Variants in RNF125 observed in about 807,000 individuals in gnomAD.
RNF125 encodes ring finger protein 125, also known as E3 ubiquitin-protein ligase RNF125.
In RNF125, 21 loss-of-function variants were observed where a neutral mutation model predicts 26.0. The ratio of observed to expected loss-of-function variants is 0.81; its 90% confidence interval spans 0.57 to 1.16. RNF125 has a LOEUF of 1.16. Ranked by LOEUF, RNF125 falls within the 50% of genes most tolerant of loss-of-function variation. The pLI, the probability that RNF125 is intolerant of heterozygous loss-of-function variation, is 0.00. For missense variants in RNF125, 270 were observed against 299.4 expected (o/e 0.90, Z 0.72); for synonymous variants, 95 against 109.2 (o/e 0.87, Z 0.81).
At chr18:32,085,774 A>G in the RNF125 span, among the ~76,000 whole-genome samples, 3 of 150,972 alleles carry the variant, frequency 2.0e-5, no homozygotes, top group African/African-American at 7.3e-5. Context: ...CTGATCTCTC[A>G]TTGGTGCCTC....
intron 4 of RNF125, among the ~76,000 whole-genome samples, chr18:32,048,051 C>T (rs1013353402): frequency 6.6e-6 from 1 of 151,940 alleles, no homozygotes; most frequent in Non-Finnish European, 1.5e-5. Context: ...TTGCTTGAGC[C>T]TGGAAGGACG....
Position 32,071,796 on chromosome 18 carries a change from T to C in RNF125, c.*3412T>C, listed in dbSNP as rs562026162. 6 of 152,310 alleles carry C rather than the reference T, an allele frequency of 3.9e-5. No individual in the cohort carries two copies. Among genetic ancestry groups the C allele is most frequent in the African/African-American group, 9.6e-5 (4 of 41,572 alleles). The allele number at this position is 152,310 out of a possible 1,614,324, so 9.4% of individuals were successfully genotyped here. On this transcript the variant is annotated 3_prime_UTR_variant, in exon 6 of 6. Transcript: ENST00000217740. The stretch of plus-strand genomic sequence containing the variant: ...AGCCTCATATCCTCCCTTTTAGATA[T>C]TGATTTTAAGTTTGCTTTTCACAGC...
At position 32,053,028 on chromosome 18, in the gene RNF125, G is replaced by A. The variant is rs150107853; in HGVS notation, c.504+7296G>A. On this transcript the variant is annotated intron_variant, in intron 4 of 5. Coordinates refer to ENST00000217740, the MANE Select transcript of RNF125 (RefSeq NM_017831.4). ...TTCTATTAAATATTAAATCAGTCAC[G>A]CACAGACTTTAGAAATGGAATTCAA... 4.2e-3 allele frequency among the ~76,000 whole-genome samples: 632 copies of A among 152,268 alleles called. 7 individuals are homozygous for A. The highest frequency in any genetic ancestry group is 0.015 in the African/African-American group (611 of 41,544).
chr18:32,064,396 C>CTTTTTTTTTTTTTT lies in RNF125; in HGVS notation c.505-1496_505-1483dup, dbSNP rs775086863. Among the ~76,000 whole-genome samples, 48 of 86,848 alleles carry CTTTTTTTTTTTTTT rather than the reference C, an allele frequency of 5.5e-4. 1 individual carries two copies. Among genetic ancestry groups the CTTTTTTTTTTTTTT allele is most frequent in the Admixed American group, 6.5e-4 (4 of 6,174 alleles). The allele number at this position is 86,848 out of a possible 152,430, so 57.0% of individuals were successfully genotyped here. On this transcript the variant is annotated intron_variant, in intron 4 of 5. Coordinates refer to ENST00000217740, the MANE Select transcript of RNF125 (RefSeq NM_017831.4). ...AATCTGGTGAAATCTTTTTCTTTTT[C>CTTTTTTTTTTTTTT]TTTTTTTTTTTTTTTTTTTTTTTGA...
chr18:32,037,892 A>T (rs2039175074), intron 2 of RNF125, among the ~76,000 whole-genome samples: 1 of 152,126 alleles, frequency 6.6e-6, no homozygotes, highest in South Asian at 2.1e-4. Context: ...TAGGACAGAA[A>T]CGGAACATGG....
chr18:32,064,284 G>A (rs934379774), intron 4 of RNF125, among the ~76,000 whole-genome samples: 1 of 151,572 alleles, frequency 6.6e-6, no homozygotes, highest in African/African-American at 2.4e-5. Context: ...GGCGCCCAGG[G>A]ATTACACTTC....
At chr18:32,055,974 C>A (rs1455537276) in intron 4 of RNF125, among the ~76,000 whole-genome samples, 3 of 41,708 alleles carry the variant, frequency 7.2e-5, no homozygotes, top group Admixed American at 4.8e-4. Context: ...AGTGAAACTC[C>A]ATCTCAAAAA....
intron 4 of RNF125, among the ~76,000 whole-genome samples, chr18:32,058,564 T>C (rs1409499894): frequency 6.6e-6 from 1 of 152,146 alleles, no homozygotes; most frequent in Non-Finnish European, 1.5e-5. Flanking sequence ...TAGGCTGGTC[T>C]CAAACTCCTG....
the RNF125 span, among the ~76,000 whole-genome samples, chr18:32,078,665 T>TA: frequency 6.6e-6 from 1 of 151,958 alleles, no homozygotes; most frequent in African/African-American, 2.4e-5. Context: ...AGAAAAAAAA[T>TA]ACATCATTCA....
chr18:32,080,444 C>T, the RNF125 span, among the ~76,000 whole-genome samples: 7 of 152,348 alleles, frequency 4.6e-5, no homozygotes, highest in Non-Finnish European at 7.3e-5. Flanking sequence ...TGTCCTTTGA[C>T]AGTATTTCAA....
At chr18:32,073,708 G>T (rs1049944194), downstream of RNF125, among the ~76,000 whole-genome samples, 6 of 152,098 alleles carry the variant, frequency 3.9e-5, no homozygotes, top group African/African-American at 9.7e-5. Flanking sequence ...TTAATTTTTT[G>T]ATTTTTTGCA....
chr18:32,018,880 G>A lies in RNF125; in HGVS notation c.17G>A (p.Ser6Asn), dbSNP rs1249300491. ...GGCACAGCGATGGGCTCCGTGCTGA[G>A]CACCGACAGCGGCAAATCGGCGCCC... MGSVL[S>N]TDSGKSAPAS... The change falls in exon 1 of 6, where the codon AGC becomes AAC. Residue 6 changes from serine to asparagine, a missense_variant. Ser to Asn is a conservative substitution (Grantham distance 46). Coordinates refer to ENST00000217740, the MANE Select transcript of RNF125 (RefSeq NM_017831.4). 1 of 1,589,934 alleles carries A rather than the reference G, an allele frequency of 6.3e-7. No individual in the cohort carries two copies. Among genetic ancestry groups the A allele is most frequent in the Admixed American group, 1.8e-5 (1 of 55,726 alleles).
At chr18:32,037,072 T>G (rs1229820886) in intron 1 of RNF125, 44 bp from the exon 2 acceptor site, 1 of 1,547,154 alleles carries the variant, frequency 6.5e-7, no homozygotes, top group Non-Finnish European at 8.7e-7. Flanking sequence ...TGGCTCCTTA[T>G]AGCTTTCAAG....
At chr18:32,081,472 A>T in the RNF125 span, among the ~76,000 whole-genome samples, 5 of 152,290 alleles carry the variant, frequency 3.3e-5, no homozygotes, top group East Asian at 9.7e-4. Flanking sequence ...GTCTCTCTCC[A>T]GACTTTGGAT....
chr18:32,028,814 A>G (rs186868348), intron 1 of RNF125, among the ~76,000 whole-genome samples: 15 of 152,180 alleles, frequency 9.9e-5, no homozygotes, highest in Admixed American at 8.5e-4. Context: ...TCAGCCTCCC[A>G]AAATGCTGGG....
At chr18:32,075,872 A>G (rs1275909156), downstream of RNF125, 2 of 922,048 alleles carry the variant, frequency 2.2e-6, no homozygotes, top group Non-Finnish European at 3.5e-6. Context: ...ATTTGTAAAT[A>G]TATATTACAT....
chr18:32,024,918 T>C (rs113925721), intron 1 of RNF125, among the ~76,000 whole-genome samples: 91 of 151,886 alleles, frequency 6.0e-4, no homozygotes, highest in Non-Finnish European at 1.2e-3. Context: ...TTGTCCCTAC[T>C]GAAAATACTA....
At chr18:32,088,887 GA>G in the RNF125 span, among the ~76,000 whole-genome samples, 1 of 152,244 alleles carries the variant, frequency 6.6e-6, no homozygotes, top group South Asian at 2.1e-4. Flanking sequence ...TGTAGGAGAA[GA>G]AACAAAGTAG....
chr18:32,068,969 G>T lies in RNF125; in HGVS notation c.*585G>T, dbSNP rs190498262. The stretch of plus-strand genomic sequence containing the variant: ...CCAGCACTTTGGGAGGCTGAAGCAG[G>T]CGGATCACAAGGTCAGGAGTTCGAG... On this transcript the variant is annotated 3_prime_UTR_variant, in exon 6 of 6. Coordinates refer to ENST00000217740, the MANE Select transcript of RNF125 (RefSeq NM_017831.4). 6.6e-6 allele frequency: 1 copy of T among 152,366 alleles called. No homozygotes were observed. The highest frequency in any genetic ancestry group is 2.4e-5 in the African/African-American group (1 of 41,542). The allele number at this position is 152,366 out of a possible 1,614,324, so 9.4% of individuals were successfully genotyped here. A position where few individuals can be genotyped will look rare whatever the true frequency, so the allele number is the denominator to read the frequency against.
Sources: allele counts gnomAD v4.1 joint callset (sites outside exome capture counted in the v4.1 genomes callset), GRCh38; gene constraint gnomAD v4.1.1; transcripts MANE v1.5; gene names NCBI Gene and HGNC (gene_info 2026-07-23, HGNC 2026-07-21).